DAZAP1: variants seen among roughly 807,000 people sequenced by gnomAD.
DAZAP1 encodes DAZ associated protein 1.
A neutral mutation model predicts 60.1 loss-of-function variants in DAZAP1; 6 were observed. The ratio of observed to expected loss-of-function variants is 0.10; its 90% CI spans 0.05 to 0.20. The LOEUF (loss-of-function observed/expected upper bound fraction) is 0.20. Ranked by LOEUF, DAZAP1 falls within the 10% of genes least tolerant of loss-of-function variation. DAZAP1 has a pLI of 1.00. For missense variants in DAZAP1, 366 were observed against 560.4 expected (o/e 0.65, Z 3.50); for synonymous variants, 235 against 215.9 (o/e 1.09, Z -0.78).
rs188951891 is a variant in DAZAP1, at chr19:1,435,567, G to A, written c.*655G>A. On this transcript the variant is annotated 3_prime_UTR_variant, in exon 12 of 12. Transcript: ENST00000233078. ...GCACAGCCAGCCGCGTGGATCCCAC[G>A]CAGCGCTGAACCGAACCGAGTAGGA... 2.0e-5 allele frequency: 3 copies of A among 152,406 alleles called. No homozygotes were observed. The highest frequency in any genetic ancestry group is 1.9e-4 in the East Asian group (1 of 5,186). 9.4% of individuals were successfully genotyped at this position (152,406 alleles called of 1,614,324 possible). A position where few individuals can be genotyped will look rare whatever the true frequency, so the allele number is the denominator to read the frequency against.
Position 1,417,691 on chromosome 19 carries a change from G to C in DAZAP1, c.70+151G>C, listed in dbSNP as rs185220690. Reference sequence around the variant, plus strand: ...TTTCTGGGCAGGGGACAGAGTAAGTGTGTATTTGCTCTGAGACTGTTAATT... The same window carrying C: ...TTTCTGGGCAGGGGACAGAGTAAGTCTGTATTTGCTCTGAGACTGTTAATT... On this transcript the variant is annotated intron_variant, in intron 2 of 11. Transcript: ENST00000233078. The C allele has an allele frequency of 2.1e-3, 1,548 of 749,438 alleles. 7 individuals carry two copies. The highest frequency in any genetic ancestry group is 2.4e-3 in the Non-Finnish European group (1,104 of 458,510). 46.4% of individuals were successfully genotyped at this position (749,438 alleles called of 1,614,324 possible). A position where few individuals can be genotyped will look rare whatever the true frequency, so the allele number is the denominator to read the frequency against.
chr19:1,428,855 G>A lies in DAZAP1; in HGVS notation c.560G>A (p.Arg187Gln), dbSNP rs201334139. 3 of 1,612,994 alleles carry A rather than the reference G, an allele frequency of 1.9e-6. No homozygotes were observed. The highest frequency in any genetic ancestry group is 1.7e-5 in the Admixed American group (1 of 60,014). Residue 187 changes from arginine to glutamine, a missense_variant, in exon 8 of 12, where the codon CGA becomes CAA. Transcript: ENST00000233078. The surrounding 1 kb of genome is among the most constrained non-coding windows in gnomAD (Gnocchi z 4.0). ...DIMGKKVEVKRAEPRDSKSQA... is the reference protein window; with the variant it reads ...DIMGKKVEVKQAEPRDSKSQA... ...CGGTTTGTTTAGGTGGAAGTTAAAC[G>A]AGCTGAGCCTCGGGACAGCAAGAGC...
Position 1,432,258 on chromosome 19 carries a change from C to G in DAZAP1, c.872-256C>G. The G allele has an allele frequency of 1.8e-6, 1 of 545,240 alleles. No individual in the cohort carries two copies. The highest frequency in any genetic ancestry group is 3.3e-6 in the Non-Finnish European group (1 of 307,280). The allele number at this position is 545,240 out of a possible 1,614,324, so 33.8% of individuals were successfully genotyped here. Reference sequence around the variant, plus strand: ...TTGTCTGAGGCCCACCTGGCGGCTGCTCCGTGAGGAACGAGGTGGCCCTGC... The same window carrying G: ...TTGTCTGAGGCCCACCTGGCGGCTGGTCCGTGAGGAACGAGGTGGCCCTGC... On this transcript the variant is annotated intron_variant, in intron 10 of 11. Coordinates refer to ENST00000233078, the MANE Select transcript of DAZAP1 (RefSeq NM_018959.4). This position sits in a 1 kb window ranked among gnomAD's most constrained non-coding sequence, Gnocchi z 4.9.
intron 1 of DAZAP1, among the ~76,000 whole-genome samples, chr19:1,414,573 C>T (rs982377801): frequency 3.3e-5 from 5 of 151,524 alleles, no homozygotes; most frequent in Admixed American, 2.6e-4. Context: ...GGTGAAACCC[C>T]GTCTCTACTA....
intron 10 of DAZAP1, among the ~76,000 whole-genome samples, chr19:1,430,905 T>G (rs1288091932): frequency 2.0e-5 from 3 of 151,034 alleles, no homozygotes; most frequent in Admixed American, 2.0e-4. Flanking sequence ...GTATTTTTAG[T>G]AGAGACGGGG....
chr19:1,424,920 C>T (rs1343174542), intron 6 of DAZAP1, among the ~76,000 whole-genome samples: 2 of 152,238 alleles, frequency 1.3e-5, no homozygotes, highest in East Asian at 3.9e-4. Context: ...GCCTGGAGAG[C>T]CCGGCGCACT....
Position 1,433,120 on chromosome 19 carries a change from G to A in DAZAP1, c.1048+430G>A, listed in dbSNP as rs563605191. The A allele has an allele frequency of 2.3e-4, 46 of 197,202 alleles. 1 individual carries two copies. Among genetic ancestry groups the A allele is most frequent in the South Asian group, 1.2e-3 (14 of 11,232 alleles). 12.2% of individuals were successfully genotyped at this position (197,202 alleles called of 1,614,324 possible). On this transcript the variant is annotated intron_variant, in intron 11 of 11. Coordinates refer to ENST00000233078, the MANE Select transcript of DAZAP1 (RefSeq NM_018959.4). The surrounding 1 kb of genome is among the most constrained non-coding windows in gnomAD (Gnocchi z 6.1). Reference sequence around the variant, plus strand: ...CCCGCTTGGGGCAGAAGCTGGGTCTGTAGTAGGCGTGGCCTGGACGTGGGC... The same window carrying A: ...CCCGCTTGGGGCAGAAGCTGGGTCTATAGTAGGCGTGGCCTGGACGTGGGC...
Position 1,418,166 on chromosome 19 carries a change from C to A in DAZAP1, c.71-38C>A, listed in dbSNP as rs747672812. ...GCCAGGCACGTGCCTAATGCTCTGG[C>A]CCTGTGTGTTTGTGTTTTCTTCCCG... On this transcript the variant is annotated intron_variant, in intron 2 of 11. Transcript: ENST00000233078. The surrounding 1 kb of genome is among the most constrained non-coding windows in gnomAD (Gnocchi z 5.7). The A allele has an allele frequency of 5.6e-6, 9 of 1,610,992 alleles. No homozygotes were observed. The African/African-American group carries it at 1.2e-4, about 22-fold the overall frequency.
chr19:1,418,242 G>A lies in DAZAP1; in HGVS notation c.109G>A (p.Val37Ile), dbSNP rs1240743442. 3.1e-6 allele frequency: 5 copies of A among 1,614,210 alleles called. No individual in the cohort carries two copies. The highest frequency in any genetic ancestry group is 2.2e-5 in the East Asian group (1 of 44,888). Reference sequence around the variant, plus strand: ...CTACTTTTCCCAATATGGAGAAGTCGTAGATTGTGTTATCATGAAAGATAA... The same window carrying A: ...CTACTTTTCCCAATATGGAGAAGTCATAGATTGTGTTATCATGAAAGATAA... The part of the protein sequence containing the change: ...RSYFSQYGEV[V>I]DCVIMKDKTT... The change falls in exon 3 of 12, where the codon GTA becomes ATA. Residue 37 changes from valine (V) to isoleucine (I), a missense_variant. Val to Ile is a conservative substitution (Grantham distance 29). This residue lies in a region of DAZAP1 where 98 missense variants were observed against 155.3 expected (regional missense o/e 0.63). Transcript: ENST00000233078. The surrounding 1 kb of genome is among the most constrained non-coding windows in gnomAD (Gnocchi z 5.7).
chr19:1,427,418 G>C (rs898506634), intron 7 of DAZAP1: 5 of 152,256 alleles, frequency 3.3e-5, no homozygotes, highest in Admixed American at 1.3e-4. Context: ...AGTCCAGCTT[G>C]CCCGGCGCCG....
In DAZAP1 at chr19:1,434,507, T is replaced by G. The variant is rs1025153477; in HGVS notation, c.1049-230T>G. 1 of 512,548 alleles carries G rather than the reference T, an allele frequency of 2.0e-6. No homozygotes were observed. The highest frequency in any genetic ancestry group is 2.0e-5 in the African/African-American group (1 of 49,274). The allele number at this position is 512,548 out of a possible 1,614,324, so 31.8% of individuals were successfully genotyped here. Reference sequence around the variant, plus strand: ...AGGTTACGTGGGCCATGGAGGGCTCTGGAAGCCGCTTTTCTCTGTGTGTGC... The same window carrying G: ...AGGTTACGTGGGCCATGGAGGGCTCGGGAAGCCGCTTTTCTCTGTGTGTGC... On this transcript the variant is annotated intron_variant, in intron 11 of 11. Coordinates refer to ENST00000233078, the MANE Select transcript of DAZAP1 (RefSeq NM_018959.4). This position sits in a 1 kb window ranked among gnomAD's most constrained non-coding sequence, Gnocchi z 8.0.
chr19:1,412,588 C>G (rs375570931), intron 1 of DAZAP1, among the ~76,000 whole-genome samples: 2 of 152,194 alleles, frequency 1.3e-5, no homozygotes, highest in Admixed American at 1.3e-4. Context: ...GGCTGGCCGC[C>G]GGTTTTTGAA....
At chr19:1,420,922 C>T (rs1056239684) in intron 4 of DAZAP1, among the ~76,000 whole-genome samples, 2 of 152,202 alleles carry the variant, frequency 1.3e-5, no homozygotes, top group Non-Finnish European at 2.9e-5. Flanking sequence ...TGAAATGTAG[C>T]TCTGCAGAAA....
chr19:1,418,787 A>T lies in DAZAP1; in HGVS notation c.303+56A>T. On this transcript the variant is annotated intron_variant, in intron 4 of 11. Coordinates refer to ENST00000233078, the MANE Select transcript of DAZAP1 (RefSeq NM_018959.4). The surrounding 1 kb of genome is among the most constrained non-coding windows in gnomAD (Gnocchi z 5.7). ...GTGTTCTCCACTCCACGTGGAAAGG[A>T]AATGCGTGCCTTCAATCTGCTGTTG... 6.6e-7 allele frequency: 1 copy of T among 1,508,032 alleles called. No homozygotes were observed. Among genetic ancestry groups the T allele is most frequent in the Non-Finnish European group, 8.9e-7 (1 of 1,117,850 alleles). 93.4% of individuals were successfully genotyped at this position (1,508,032 alleles called of 1,614,324 possible). A position where few individuals can be genotyped will look rare whatever the true frequency, so the allele number is the denominator to read the frequency against.
chr19:1,409,063 T>C (rs2082749694), intron 1 of DAZAP1, among the ~76,000 whole-genome samples: 1 of 152,010 alleles, frequency 6.6e-6, no homozygotes, highest in Non-Finnish European at 1.5e-5. Flanking sequence ...TTGTGGGCTC[T>C]CCCCCTCCCC....
chr19:1,420,468 G>A (rs1473682300), intron 4 of DAZAP1, among the ~76,000 whole-genome samples: 2 of 151,564 alleles, frequency 1.3e-5, no homozygotes, highest in Non-Finnish European at 2.9e-5. Context: ...CTTAAAATGT[G>A]ATAGCCTTGG....
rs118075392 is a variant in DAZAP1, at chr19:1,428,803, C to A, written c.547-39C>A. 5.3e-3 allele frequency: 8,573 copies of A among 1,611,172 alleles called. 31 individuals carry two copies. The highest frequency in any genetic ancestry group is 6.9e-3 in the Non-Finnish European group (8,104 of 1,178,854). On this transcript the variant is annotated intron_variant, in intron 7 of 11. Transcript: ENST00000233078. The surrounding 1 kb of genome is among the most constrained non-coding windows in gnomAD (Gnocchi z 4.0). ...GTCTAAAGGGAAGGGGGTGCTGGGA[C>A]CCGCAGCCTCGCCCTAAACCAGAGC...
chr19:1,430,254 G>GCCCCCCCCCCCCC lies in DAZAP1; in HGVS notation c.770_771insCCCCCCCCCCCCC (p.Phe262AlafsTer169). 17 of 1,295,246 alleles carry GCCCCCCCCCCCCC rather than the reference G, an allele frequency of 1.3e-5. No homozygotes were observed. The highest frequency in any genetic ancestry group is 1.6e-5 in the Non-Finnish European group (15 of 924,056). 80.2% of individuals were successfully genotyped at this position (1,295,246 alleles called of 1,614,324 possible). On this transcript the variant is annotated frameshift_variant, in exon 10 of 12. Transcript: ENST00000233078. LOFTEE classifies it high-confidence loss of function. ...TGGACCGCCCCCTGCAGGAAGAGGA[G>GCCCCCCCCCCCCC]CCCCCCCGCCACCCCCACCGTTCAC...
rs61360796 is a variant in DAZAP1 at position 1,415,353 on chromosome 19, ATGTGTGTGTGTGTGTGTG to A, written c.30-2127_30-2110del. Among the ~76,000 whole-genome samples the A allele has an allele frequency of 1.5e-4, 16 of 109,408 alleles. No homozygotes were observed. The East Asian group carries it at 3.4e-3, about 23-fold the overall frequency. The allele number at this position is 109,408 out of a possible 152,430, so 71.8% of individuals were successfully genotyped here. A position where few individuals can be genotyped will look rare whatever the true frequency, so the allele number is the denominator to read the frequency against. On this transcript the variant is annotated intron_variant, in intron 1 of 11. Coordinates refer to ENST00000233078, the MANE Select transcript of DAZAP1 (RefSeq NM_018959.4). ...GATTTGGTTTGGTTTTCAGGGTTTT[ATGTGTGTGTGTGTGTGTG>A]TGTGTGTGTGTGTGTGTGTTTTGTT...
Sources: allele counts gnomAD v4.1 joint callset (sites outside exome capture counted in the v4.1 genomes callset), GRCh38; gene constraint gnomAD v4.1.1; regional missense constraint gnomAD v4.1.1; non-coding constraint Gnocchi (gnomAD v3.1); transcripts MANE v1.5; gene names NCBI Gene and HGNC (gene_info 2026-07-23, HGNC 2026-07-21).